EIF3C: variants seen among roughly 807,000 people sequenced by gnomAD.
The protein encoded by EIF3C is eukaryotic translation initiation factor 3 subunit C, also known as cell migration-inducing protein 17.
A neutral mutation model predicts 11.1 loss-of-function variants in EIF3C; 2 were observed. The observed-to-expected ratio is 0.18, with a 90% CI of 0.07 to 0.57. The LOEUF is 0.57. Among genes scored for constraint, EIF3C ranks in the 20% least tolerant of loss-of-function variants. EIF3C has a pLI of 0.92. For synonymous variants in EIF3C, 2 were observed against 41.5 expected (o/e 0.05, Z 3.66); for missense variants, 16 against 114.6 (o/e 0.14, Z 3.93).
intron 1 of EIF3C, among the ~76,000 whole-genome samples, chr16:28,691,622 A>ACT (rs2048217923): frequency 1.7e-5 from 1 of 58,126 alleles, no homozygotes; most frequent in African/African-American, 8.6e-5. Flanking sequence ...ATTCATCAGC[A>ACT]GGTACTTTGC....
intron 1 of EIF3C, among the ~76,000 whole-genome samples, chr16:28,698,577 A>G (rs1596703951): frequency 2.2e-5 from 2 of 91,070 alleles, no homozygotes. Flanking sequence ...CCGGGCGGAG[A>G]CGCTCCTCAC....
At chr16:28,698,121 G>T (rs1333449252) in intron 1 of EIF3C, among the ~76,000 whole-genome samples, 983 of 83,400 alleles carry the variant, frequency 0.012, no homozygotes, top group African/African-American at 0.065. Flanking sequence ...TGGCCGGGCG[G>T]GGGGGCTGAC....
At chr16:28,697,896 G>T (rs1376334012) in intron 1 of EIF3C, among the ~76,000 whole-genome samples, 1 of 47,048 alleles carries the variant, frequency 2.1e-5, no homozygotes, top group Non-Finnish European at 4.1e-5. Flanking sequence ...CCTCCCGGAC[G>T]GGGCGGCTGG....
rs780196959 is a variant in EIF3C, at chr16:28,723,301, G to T, written c.914G>T (p.Arg305Leu). Residue 305 changes from arginine (R) to leucine (L), a missense_variant, in exon 9 of 21, where the codon CGG (arginine) becomes CTG (leucine). Coordinates refer to ENST00000331666, the MANE Select transcript of EIF3C (RefSeq NM_003752.5). ...GAAGGCGGGGAGTGGGAAAGGGTCC[G>T]GGGCGGAGTGCCGTTGGTTAAGGTG... ...DNEGGEWERV[R>L]GGVPLVKEKP... 1 of 1,614,284 alleles carries T rather than the reference G, an allele frequency of 6.2e-7. No homozygotes were observed. Among genetic ancestry groups the T allele is most frequent in the Non-Finnish European group, 8.5e-7 (1 of 1,180,058 alleles).
intron 15 of EIF3C, among the ~76,000 whole-genome samples, chr16:28,729,864 G>A (rs1218606847): frequency 6.7e-6 from 1 of 150,258 alleles, no homozygotes; most frequent in African/African-American, 2.5e-5. Flanking sequence ...GGAGGCTGAG[G>A]TAGGAGGATT....
At chr16:28,701,019 G>T (rs2048278627) in intron 1 of EIF3C, 1 of 125,386 alleles carries the variant, frequency 8.0e-6, no homozygotes, top group Non-Finnish European at 1.4e-5. Context: ...TCCTGCCTCA[G>T]CCTCCCGAGC....
rs1485581029 is a variant in EIF3C, at chr16:28,696,374, A to G, written c.-31+7546A>G. On this transcript the variant is annotated intron_variant, in intron 1 of 20. Transcript: ENST00000566501. The stretch of plus-strand genomic sequence containing the variant: ...GAGCGAAACTGTGTCTAAAAAAAAA[A>G]AAAAAAAAAAGACTTGAATGGGCAG... 8.1e-4 allele frequency among the ~76,000 whole-genome samples: 37 copies of G among 45,502 alleles called. 15 individuals carry two copies. Among genetic ancestry groups the G allele is most frequent in the Non-Finnish European group, 1.4e-3 (37 of 25,808 alleles). 29.9% of individuals were successfully genotyped at this position (45,502 alleles called of 152,430 possible). A position where few individuals can be genotyped will look rare whatever the true frequency, so the allele number is the denominator to read the frequency against.
chr16:28,712,261 C>A, intron 2 of EIF3C: 1 of 74,918 alleles, frequency 1.3e-5, no homozygotes, highest in Non-Finnish European at 2.9e-5. Context: ...TCCGCCATTT[C>A]TGTACATTAA....
intron 1 of EIF3C, among the ~76,000 whole-genome samples, chr16:28,691,572 CAA>C (rs1227879699): frequency 1.4e-4 from 1 of 7,158 alleles, no homozygotes; most frequent in Admixed American, 1.3e-3. Flanking sequence ...GACTCCATCT[CAA>C]AAAAAAAAAA....
In EIF3C at chr16:28,698,623, C is replaced by T. The variant is rs1404032362; in HGVS notation, c.-31+9795C>T. Among the ~76,000 whole-genome samples the T allele has an allele frequency of 1.6e-4, 15 of 92,078 alleles. 5 individuals carry two copies. The East Asian group carries it at 4.9e-3, about 30-fold the overall frequency. 60.4% of individuals were successfully genotyped at this position (92,078 alleles called of 152,430 possible). A position where few individuals can be genotyped will look rare whatever the true frequency, so the allele number is the denominator to read the frequency against. ...GGGTGGCTGCCGGGCGGAGACACTC[C>T]TCACTTCCCAGATGGGGTGGCTGCC... On this transcript the variant is annotated intron_variant, in intron 1 of 20. Transcript: ENST00000566501.
At position 28,697,973 on chromosome 16, in the gene EIF3C, C is replaced by T. The variant is rs1467892074; in HGVS notation, c.-31+9145C>T. Among the ~76,000 whole-genome samples, 15 of 74,540 alleles carry T rather than the reference C, an allele frequency of 2.0e-4. No homozygotes were observed. In the South Asian group the frequency reaches 5.8e-3, roughly 29 times the overall value. The allele number at this position is 74,540 out of a possible 152,430, so 48.9% of individuals were successfully genotyped here. ...GCAGAGGCGCCCCTCACCTCCCGGG[C>T]GGGGCGGCTGGCCGGGCGGGGGGGC... On this transcript the variant is annotated intron_variant, in intron 1 of 20. Coordinates refer to the EIF3C transcript ENST00000566501.
At position 28,700,516 on chromosome 16, in the gene EIF3C, G is replaced by A. The variant is rs1287373210; in HGVS notation, c.-30-11141G>A. ...TTTGGAGTTCCTCAGGGGGGAACTC[G>A]TCACCTCCACGGGTTCCAGGCCATC... On this transcript the variant is annotated intron_variant, in intron 1 of 20. Transcript: ENST00000566501. 24 of 328,800 alleles carry A rather than the reference G, an allele frequency of 7.3e-5. 9 individuals are homozygous for A. In the East Asian group the frequency reaches 1.8e-3, roughly 25 times the overall value. The allele number at this position is 328,800 out of a possible 1,614,324, so 20.4% of individuals were successfully genotyped here. A position where few individuals can be genotyped will look rare whatever the true frequency, so the allele number is the denominator to read the frequency against.
chr16:28,728,521 G>GGTGTGT (rs56292996), intron 15 of EIF3C, among the ~76,000 whole-genome samples: 1,931 of 86,410 alleles, frequency 0.022, 8 homozygotes, highest in African/African-American at 0.063. Flanking sequence ...ATCTTTTAGG[G>GGTGTGT]GTGTGTGTGT....
In EIF3C at chr16:28,704,522, C is replaced by T. The variant is rs1465857251; in HGVS notation, c.-30-7135C>T. The stretch of plus-strand genomic sequence containing the variant: ...GACCAGCCTGGGAACATAGTGAGGC[C>T]CCCCCCGTCTCTACAAAAAACAAAA... On this transcript the variant is annotated intron_variant, in intron 1 of 20. Transcript: ENST00000566501. Among the ~76,000 whole-genome samples the T allele has an allele frequency of 6.6e-5, 5 of 75,820 alleles. 1 individual carries two copies. The highest frequency in any genetic ancestry group is 8.8e-5 in the Non-Finnish European group (4 of 45,714). 49.7% of individuals were successfully genotyped at this position (75,820 alleles called of 152,430 possible). A position where few individuals can be genotyped will look rare whatever the true frequency, so the allele number is the denominator to read the frequency against.
rs1259640756 is a variant in EIF3C at position 28,695,636 on chromosome 16, G to A, written c.-31+6808G>A. On this transcript the variant is annotated intron_variant, in intron 1 of 20. Transcript: ENST00000566501. The stretch of plus-strand genomic sequence containing the variant: ...ACTGGCTCTCCCACCCATGGAGTGA[G>A]AGAATCATGGTGGAAAGGGCTAAGG... 6.2e-4 allele frequency among the ~76,000 whole-genome samples: 30 copies of A among 48,408 alleles called. 12 individuals carry two copies. Among genetic ancestry groups the A allele is most frequent in the Admixed American group, 1.8e-3 (8 of 4,326 alleles). The allele number at this position is 48,408 out of a possible 152,430, so 31.8% of individuals were successfully genotyped here. A position where few individuals can be genotyped will look rare whatever the true frequency, so the allele number is the denominator to read the frequency against.
intron 1 of EIF3C, among the ~76,000 whole-genome samples, chr16:28,698,204 G>A (rs2048253256): frequency 8.1e-6 from 1 of 123,936 alleles, no homozygotes; most frequent in Non-Finnish European, 1.7e-5. Context: ...AGGGGCGGCC[G>A]GGCAGAGGCG....
In EIF3C at chr16:28,698,358, A is replaced by G. The variant is rs865867909; in HGVS notation, c.-31+9530A>G. Reference sequence around the variant, plus strand: ...GGCAGAGGCGCCCCTCACCTCCCGGACGGGGCGGCTGGCCGGGTGGGGGGC... The same window carrying G: ...GGCAGAGGCGCCCCTCACCTCCCGGGCGGGGCGGCTGGCCGGGTGGGGGGC... On this transcript the variant is annotated intron_variant, in intron 1 of 20. Transcript: ENST00000566501. Among the ~76,000 whole-genome samples, 28 of 88,252 alleles carry G rather than the reference A, an allele frequency of 3.2e-4. 1 individual carries two copies. Among genetic ancestry groups the G allele is most frequent in the Admixed American group, 4.9e-4 (5 of 10,296 alleles). The allele number at this position is 88,252 out of a possible 152,430, so 57.9% of individuals were successfully genotyped here.
chr16:28,723,351 G>A, intron 9 of EIF3C, 28 bp downstream of exon 9: 2 of 1,613,248 alleles, frequency 1.2e-6, no homozygotes, highest in Non-Finnish European at 1.7e-6. Context: ...AAAATGAATT[G>A]GGGAACAGTT....
Position 28,699,470 on chromosome 16 carries a change from CGGAGACGGAGACGGAGAG to C in EIF3C, c.-31+10648_-31+10665del, listed in dbSNP as rs1306176522. Among the ~76,000 whole-genome samples the C allele has an allele frequency of 1.8e-4, 16 of 88,088 alleles. 2 individuals carry two copies. The highest frequency in any genetic ancestry group is 4.5e-4 in the Admixed American group (4 of 8,822). The allele number at this position is 88,088 out of a possible 152,430, so 57.8% of individuals were successfully genotyped here. On this transcript the variant is annotated intron_variant, in intron 1 of 20. Transcript: ENST00000566501. ...GACCGTGGGGAGAGGGAGACGGAGA[CGGAGACGGAGACGGAGAG>C]GGAGAGGGAGAGGGAGAGGGAGAGG... is the stretch of plus-strand genomic sequence containing the variant.
Sources: allele counts gnomAD v4.1 joint callset (sites outside exome capture counted in the v4.1 genomes callset), GRCh38; gene constraint gnomAD v4.1.1; transcripts MANE v1.5; gene names NCBI Gene and HGNC (gene_info 2026-07-23, HGNC 2026-07-21).